CDK5RAP2: variants seen among roughly 807,000 people sequenced by gnomAD.
CDK5RAP2 encodes CDK5 regulatory subunit associated protein 2.
In CDK5RAP2, 147 loss-of-function variants were observed where a neutral mutation model predicts 232.9. The observed-to-expected ratio is 0.63, with a 90% CI of 0.55 to 0.72. The LOEUF (loss-of-function observed/expected upper bound fraction) is 0.72. Among genes scored for constraint, CDK5RAP2 ranks in the 30% least tolerant of loss-of-function variants. The probability of loss-of-function intolerance (pLI) is 0.00; values close to 1 mark genes in which losing one functional copy is unlikely to be tolerated. For missense variants in CDK5RAP2, 2,195 were observed against 2,231.5 expected (o/e 0.98, Z 0.33); for synonymous variants, 833 against 833.7 (o/e 1.00, Z 0.01).
At chr9:120,470,339 G>A in intron 16 of CDK5RAP2, 119 bp from the exon 17 acceptor site, 1 of 612,586 alleles carries the variant, frequency 1.6e-6, no homozygotes, top group Non-Finnish European at 2.9e-6. Flanking sequence ...TGGGGGAGGT[G>A]GGGCGGAAGG....
chr9:120,572,888 T>G (rs2042904568), intron 1 of CDK5RAP2, among the ~76,000 whole-genome samples: 1 of 152,240 alleles, frequency 6.6e-6, no homozygotes, highest in Non-Finnish European at 1.5e-5. Flanking sequence ...TTTACCATCA[T>G]TAGAATTGCC....
At chr9:120,533,175 A>G (rs553831650) in intron 7 of CDK5RAP2, among the ~76,000 whole-genome samples, 1 of 152,084 alleles carries the variant, frequency 6.6e-6, no homozygotes, top group Non-Finnish European at 1.5e-5. Context: ...CAATCACGAC[A>G]TATATTTTTT....
chr9:120,506,647 C>G (rs2131748333), intron 12 of CDK5RAP2, among the ~76,000 whole-genome samples: 1 of 152,230 alleles, frequency 6.6e-6, no homozygotes, highest in Non-Finnish European at 1.5e-5. Context: ...GATTCCAACC[C>G]TCATGGATGA....
intron 7 of CDK5RAP2, among the ~76,000 whole-genome samples, chr9:120,531,330 C>T (rs1444992634): frequency 1.3e-5 from 2 of 152,024 alleles, no homozygotes; most frequent in Admixed American, 1.3e-4. Context: ...TTAAGCTCCC[C>T]TCCAGGAAGC....
intron 24 of CDK5RAP2, 42 bp downstream of exon 24, chr9:120,439,357 G>A (rs902220210): frequency 1.3e-6 from 2 of 1,507,176 alleles, no homozygotes; most frequent in East Asian, 4.5e-5. Flanking sequence ...AATACTGGGG[G>A]ACTACAGGCT....
intron 26 of CDK5RAP2, 37 bp downstream of exon 26, chr9:120,422,656 T>A: frequency 1.3e-6 from 2 of 1,544,556 alleles, no homozygotes; most frequent in African/African-American, 2.7e-5. Flanking sequence ...ACCTAGAAAG[T>A]CCTGGGAAGT....
At chr9:120,480,710 G>C (rs1245094131) in intron 14 of CDK5RAP2, among the ~76,000 whole-genome samples, 1 of 152,180 alleles carries the variant, frequency 6.6e-6, no homozygotes, top group Non-Finnish European at 1.5e-5. Context: ...AAAGGATGCA[G>C]AGGGCAAGAA....
chr9:120,476,680 A>G (rs1337106340), intron 15 of CDK5RAP2, among the ~76,000 whole-genome samples: 2 of 142,944 alleles, frequency 1.4e-5, no homozygotes, highest in Non-Finnish European at 3.0e-5. Flanking sequence ...CTCCATCTCA[A>G]AAAAAAAAAA....
intron 5 of CDK5RAP2, among the ~76,000 whole-genome samples, chr9:120,542,495 C>CAAAAAA (rs369756744): frequency 3.2e-5 from 3 of 93,424 alleles, no homozygotes; most frequent in Non-Finnish European, 6.5e-5. Flanking sequence ...GACTCCATCT[C>CAAAAAA]AAAAAAAAAA....
intron 35 of CDK5RAP2, among the ~76,000 whole-genome samples, 194 bp downstream of exon 35, chr9:120,400,548 G>A (rs1042089940): frequency 6.6e-6 from 1 of 152,176 alleles, no homozygotes; most frequent in African/African-American, 2.4e-5. Flanking sequence ...ACGCTCAGAC[G>A]GGTCATGGCT....
At chr9:120,408,322 C>T in intron 31 of CDK5RAP2, 25 bp downstream of exon 31, 2 of 1,613,490 alleles carry the variant, frequency 1.2e-6, no homozygotes, top group South Asian at 2.2e-5. Flanking sequence ...GCACAGTAGC[C>T]TCAAGGTGAG....
intron 14 of CDK5RAP2, among the ~76,000 whole-genome samples, chr9:120,486,377 G>A (rs1474459795): frequency 7.0e-6 from 1 of 143,026 alleles, no homozygotes; most frequent in Admixed American, 7.1e-5. Flanking sequence ...TCTTCCAAAT[G>A]TATGAACTTA....
chr9:120,459,614 T>C (rs1030869003), intron 19 of CDK5RAP2, among the ~76,000 whole-genome samples: 1 of 152,224 alleles, frequency 6.6e-6, no homozygotes, highest in East Asian at 1.9e-4. Context: ...ACTTATTACA[T>C]GCCTTTCTAT....
At chr9:120,446,818 T>G (rs2036218465) in intron 22 of CDK5RAP2, among the ~76,000 whole-genome samples, 1 of 152,130 alleles carries the variant, frequency 6.6e-6, no homozygotes, top group South Asian at 2.1e-4. Context: ...TTCCCCTGTC[T>G]CCCTTCAAAT....
intron 27 of CDK5RAP2, among the ~76,000 whole-genome samples, chr9:120,417,338 T>G (rs1402046341): frequency 4.8e-4 from 57 of 118,482 alleles, no homozygotes; most frequent in Middle Eastern, 6.3e-3. Flanking sequence ...TCCTTAAACT[T>G]CTGGCGCCCA....
At position 120,394,646 on chromosome 9, in the gene CDK5RAP2, G is replaced by A. The variant is rs755755790; in HGVS notation, c.5452-8C>T. 11 of 1,598,886 alleles carry A rather than the reference G, an allele frequency of 6.9e-6. No homozygotes were observed. The highest frequency in any genetic ancestry group is 8.6e-6 in the Non-Finnish European group (10 of 1,166,970). On this transcript the variant is annotated splice_region_variant and splice_polypyrimidine_tract_variant and intron_variant, in intron 35 of 37. Transcript: ENST00000349780. ...TGCCTTCATTTCTCCAATCTAAAGAGAAGAGAAATTAGAAAAATGAACAAA... is the reference window on the plus strand; with the variant it reads ...TGCCTTCATTTCTCCAATCTAAAGAAAAGAGAAATTAGAAAAATGAACAAA...
intron 27 of CDK5RAP2, among the ~76,000 whole-genome samples, chr9:120,416,257 C>T (rs2034212191): frequency 6.6e-6 from 1 of 152,178 alleles, no homozygotes; most frequent in Non-Finnish European, 1.5e-5. Flanking sequence ...AATCGCAAGC[C>T]CCCAGTTGTT....
At chr9:120,406,582 T>C (rs2282166) in intron 32 of CDK5RAP2, 8,527 of 193,436 alleles carry the variant, frequency 0.044, 296 homozygotes, top group African/African-American at 0.097. Context: ...TGCACACAAA[T>C]GCAAAACAGA....
intron 11 of CDK5RAP2, among the ~76,000 whole-genome samples, chr9:120,520,723 A>G (rs543286348): frequency 6.6e-6 from 1 of 151,726 alleles, no homozygotes; most frequent in East Asian, 1.9e-4. Context: ...ATATCATGAT[A>G]TATCATATAT....
Sources: allele counts gnomAD v4.1 joint callset (sites outside exome capture counted in the v4.1 genomes callset), GRCh38; gene constraint gnomAD v4.1.1; transcripts MANE v1.5; gene names NCBI Gene and HGNC (gene_info 2026-07-23, HGNC 2026-07-21).